The following RAB43 variants were observed in gnomAD, a reference collection of about 807,000 sequenced individuals.
RAB43 encodes ras-related protein Rab-43.
Under a neutral mutation model 18.8 loss-of-function variants are expected in RAB43, and 6 were observed. That is an observed-to-expected ratio of 0.32 (90% CI 0.17 to 0.63). The LOEUF (loss-of-function observed/expected upper bound fraction) is 0.63, where lower values mean the gene tolerates loss of function less well. Ranked by LOEUF, RAB43 falls within the 30% of genes least tolerant of loss-of-function variation. The pLI, the probability that RAB43 is intolerant of heterozygous loss-of-function variation, is 0.79. For missense variants in RAB43, 195 were observed against 289.1 expected (o/e 0.67, Z 2.36); for synonymous variants, 103 against 124.1 (o/e 0.83, Z 1.13).
intron 1 of RAB43, among the ~76,000 whole-genome samples, chr3:129,106,149 G>A (rs1245903751): frequency 2.6e-5 from 4 of 152,154 alleles, no homozygotes; most frequent in Non-Finnish European, 5.9e-5. Context: ...ACTGAAGTTC[G>A]GCTCTGGGAC....
chr3:129,117,866 C>A (rs923580319), intron 1 of RAB43, among the ~76,000 whole-genome samples: 12 of 152,178 alleles, frequency 7.9e-5, no homozygotes, highest in African/African-American at 2.9e-4. Context: ...ATAAAGGAAC[C>A]AATTAACAGG....
intron 1 of RAB43, among the ~76,000 whole-genome samples, chr3:129,098,410 T>C (rs781643958): frequency 2.0e-5 from 3 of 152,214 alleles, no homozygotes; most frequent in African/African-American, 4.8e-5. Context: ...AGTAACTGAA[T>C]TGACTACTAG....
chr3:129,101,587 G>T (rs552893552), intron 1 of RAB43, among the ~76,000 whole-genome samples: 23 of 152,332 alleles, frequency 1.5e-4, no homozygotes, highest in African/African-American at 5.1e-4. Flanking sequence ...GAGTGATGAA[G>T]AGCCAACCAC....
At chr3:129,120,414 C>T (rs1321131889) in intron 1 of RAB43, among the ~76,000 whole-genome samples, 2 of 152,106 alleles carry the variant, frequency 1.3e-5, no homozygotes, top group African/African-American at 2.4e-5. Flanking sequence ...GGGCTCGAAA[C>T]CATGAAAGCA....
rs563993687 is a variant in RAB43 at position 129,093,534 on chromosome 3, C to T, written c.388+1452G>A. On this transcript the variant is annotated intron_variant, in intron 2 of 2. Coordinates refer to ENST00000315150, the MANE Select transcript of RAB43 (RefSeq NM_198490.3). ...CTGAGGCAGGAGAATTGCTTGAACC[C>T]GGGAGGCGGAGGTTGCAGTAAGCCA... Among the ~76,000 whole-genome samples, 16 of 152,006 alleles carry T rather than the reference C, an allele frequency of 1.1e-4. No individual in the cohort carries two copies. The South Asian group carries it at 2.5e-3, about 24-fold the overall frequency.
At chr3:129,110,895 ATT>A (rs200345300) in intron 1 of RAB43, among the ~76,000 whole-genome samples, 1 of 145,750 alleles carries the variant, frequency 6.9e-6, no homozygotes. Context: ...CTCCATAAAG[ATT>A]TTTTTTTTTT....
intron 1 of RAB43, among the ~76,000 whole-genome samples, chr3:129,116,732 C>T (rs775567507): frequency 5.3e-5 from 8 of 152,182 alleles, no homozygotes; most frequent in Non-Finnish European, 8.8e-5. Context: ...GCATCCCTAG[C>T]GAGCAGACAG....
chr3:129,094,291 G>C (rs1933874329), intron 2 of RAB43, among the ~76,000 whole-genome samples: 1 of 152,048 alleles, frequency 6.6e-6, no homozygotes, highest in South Asian at 2.1e-4. Context: ...ACAGACTTGA[G>C]GTCAGCAGAA....
At chr3:129,103,657 C>A (rs1934573394) in intron 1 of RAB43, among the ~76,000 whole-genome samples, 1 of 152,132 alleles carries the variant, frequency 6.6e-6, no homozygotes, top group Non-Finnish European at 1.5e-5. Context: ...CTCCGCCTCC[C>A]AGCTTAAAGC....
At chr3:129,105,279 C>T (rs1487368769) in intron 1 of RAB43, among the ~76,000 whole-genome samples, 3 of 150,790 alleles carry the variant, frequency 2.0e-5, no homozygotes, top group East Asian at 3.9e-4. Context: ...GTGACGAAAC[C>T]TTGTCTCTAC....
In RAB43 at chr3:129,095,137, C is replaced by T. The variant is rs1212461381; in HGVS notation, c.237G>A (p.Arg79=). Reference sequence around the variant, plus strand: ...AGTAGCTCTGGGTGATGGTGCGGAACCGCTCCTGGCCGGCCGTGTCCCAGA... The same window carrying T: ...AGTAGCTCTGGGTGATGGTGCGGAATCGCTCCTGGCCGGCCGTGTCCCAGA... The part of the protein sequence containing the change: ...LQIWDTAGQE[R]FRTITQSYYR... Residue 79 remains arginine, a synonymous_variant, in exon 2 of 3, where the codon CGG becomes CGA. Coordinates refer to ENST00000315150, the MANE Select transcript of RAB43 (RefSeq NM_198490.3). This position sits in a 1 kb window ranked among gnomAD's most constrained non-coding sequence, Gnocchi z 4.2. 3.1e-6 allele frequency: 5 copies of T among 1,613,282 alleles called. No homozygotes were observed. In the East Asian group the frequency reaches 1.1e-4, roughly 36 times the overall value.
intron 1 of RAB43, among the ~76,000 whole-genome samples, chr3:129,117,555 T>C (rs1489063982): frequency 1.3e-5 from 2 of 152,252 alleles, no homozygotes; most frequent in Non-Finnish European, 2.9e-5. Context: ...GCAGTGTCTC[T>C]GAGCCGTTTG....
chr3:129,103,232 C>A (rs1257792563), intron 1 of RAB43, among the ~76,000 whole-genome samples: 3 of 152,164 alleles, frequency 2.0e-5, no homozygotes, highest in Non-Finnish European at 4.4e-5. Context: ...CCTAGCTGTG[C>A]CCTCCTCCTA....
chr3:129,120,509 C>T (rs1343563148), intron 1 of RAB43, among the ~76,000 whole-genome samples: 3 of 152,234 alleles, frequency 2.0e-5, no homozygotes, highest in Non-Finnish European at 4.4e-5. Context: ...GGAGTACTAA[C>T]ACCTAGGTTA....
intron 1 of RAB43, among the ~76,000 whole-genome samples, chr3:129,113,314 C>T (rs930102661): frequency 3.3e-5 from 5 of 151,868 alleles, no homozygotes; most frequent in Admixed American, 6.6e-5. Context: ...TACAGGCATG[C>T]GCCACCATGC....
At chr3:129,091,427 C>T in intron 2 of RAB43, 81 bp from the exon 3 acceptor site, 1 of 1,481,572 alleles carries the variant, frequency 6.7e-7, no homozygotes, top group Non-Finnish European at 9.1e-7. Context: ...CGCTGACAGC[C>T]CCATGCCACT....
At chr3:129,114,302 A>G (rs989712118) in intron 1 of RAB43, among the ~76,000 whole-genome samples, 3 of 152,196 alleles carry the variant, frequency 2.0e-5, no homozygotes, top group Non-Finnish European at 4.4e-5. Flanking sequence ...ATCAGTCCCA[A>G]CTTTTTTCAT....
intron 1 of RAB43, among the ~76,000 whole-genome samples, chr3:129,100,207 G>C (rs1934330893): frequency 6.6e-6 from 1 of 152,214 alleles, no homozygotes; most frequent in South Asian, 2.1e-4. Context: ...AGACAATGCT[G>C]AGAAGTGCTA....
intron 1 of RAB43, among the ~76,000 whole-genome samples, chr3:129,100,969 G>A (rs1052074249): frequency 3.9e-5 from 6 of 152,232 alleles, no homozygotes; most frequent in African/African-American, 1.4e-4. Flanking sequence ...ACCACACCCA[G>A]CTAATTTTGT....
Sources: allele counts gnomAD v4.1 joint callset (sites outside exome capture counted in the v4.1 genomes callset), GRCh38; gene constraint gnomAD v4.1.1; non-coding constraint Gnocchi (gnomAD v3.1); transcripts MANE v1.5; gene names NCBI Gene and HGNC (gene_info 2026-07-23, HGNC 2026-07-21).